The following DIS3L2 variants were observed in gnomAD, a reference collection of about 807,000 sequenced individuals.
DIS3L2 encodes DIS3 like 3'-5' exoribonuclease 2.
Under a neutral mutation model 97.5 loss-of-function variants are expected in DIS3L2, and 34 were observed. The observed-to-expected ratio is 0.35, with a 90% confidence interval of 0.27 to 0.46. The LOEUF (loss-of-function observed/expected upper bound fraction) is 0.46, where lower values mean the gene tolerates loss of function less well. Among genes scored for constraint, DIS3L2 ranks in the 20% least tolerant of loss-of-function variants. The pLI is 1.00. For missense variants in DIS3L2, 1,038 were observed against 1,146.0 expected, an observed-to-expected ratio of 0.91 and a Z score of 1.36; for synonymous variants, 435 against 445.2, an observed-to-expected ratio of 0.98 and a Z score of 0.29.
intron 6 of DIS3L2, among the ~76,000 whole-genome samples, chr2:232,109,584 G>A (rs1240653653): frequency 1.3e-5 from 2 of 152,144 alleles, no homozygotes; most frequent in Non-Finnish European, 2.9e-5. Context: ...TACATCTACA[G>A]CCATCTGATC....
At chr2:232,010,945 TGCATTG>T (rs1694181046) in intron 1 of DIS3L2, among the ~76,000 whole-genome samples, 1 of 152,254 alleles carries the variant, frequency 6.6e-6, no homozygotes, top group African/African-American at 2.4e-5. Context: ...CTATGTACTC[TGCATTG>T]TGCTAGGTTT....
rs1427704895 is a variant in DIS3L2, at chr2:232,119,723, C to T, written c.602-10896C>T. ...GGGAATGGGAATCAGTGCAAAGCCC[C>T]ATTTGAGAAGACCCTGTGAGGGACT... On this transcript the variant is annotated intron_variant, in intron 6 of 20. Transcript: ENST00000325385. Among the ~76,000 whole-genome samples the T allele has an allele frequency of 5.3e-5, 8 of 152,114 alleles. No individual in the cohort carries two copies. In the East Asian group the frequency reaches 9.6e-4, roughly 18 times the overall value.
rs530696605 is a variant in DIS3L2 at position 232,049,084 on chromosome 2, A to G, written c.366+19004A>G. ...GCACATGGAATGCATTCAGTGAATG[A>G]ATAAATTGTCACTTTTAATGACTAC... is the stretch of plus-strand genomic sequence containing the variant. On this transcript the variant is annotated intron_variant, in intron 5 of 20. Transcript: ENST00000325385. Among the ~76,000 whole-genome samples the G allele has an allele frequency of 2.8e-3, 427 of 152,334 alleles. 1 individual carries two copies. The highest frequency in any genetic ancestry group is 4.7e-3 in the Non-Finnish European group (317 of 68,034).
rs1030663241 is a variant in DIS3L2, at chr2:232,272,485, G to A, written c.1659+9045G>A. Among the ~76,000 whole-genome samples the A allele has an allele frequency of 7.9e-5, 12 of 152,214 alleles. No individual in the cohort carries two copies. The South Asian group carries it at 1.9e-3, about 24-fold the overall frequency. ...GAAGGCCAGTTTGGAGGGTGAAGCC[G>A]TGAGCCACACTGTGATGAAAGGGAA... On this transcript the variant is annotated intron_variant, in intron 13 of 20. Transcript: ENST00000325385.
At chr2:232,079,265 A>G (rs1212381316) in intron 5 of DIS3L2, among the ~76,000 whole-genome samples, 3 of 152,136 alleles carry the variant, frequency 2.0e-5, no homozygotes, top group African/African-American at 4.8e-5. Context: ...AAATAAGGAG[A>G]TATATACTTT....
At chr2:232,113,758 G>A (rs373468555) in intron 6 of DIS3L2, among the ~76,000 whole-genome samples, 1 of 152,188 alleles carries the variant, frequency 6.6e-6, no homozygotes, top group South Asian at 2.1e-4. Context: ...GAGGAACTTA[G>A]TTTACAGTTT....
chr2:232,294,670 T>C (rs1694681641), intron 13 of DIS3L2, among the ~76,000 whole-genome samples: 1 of 152,080 alleles, frequency 6.6e-6, no homozygotes, highest in African/African-American at 2.4e-5. Context: ...ATCCAGTGAC[T>C]CCCACACTCC....
At position 231,986,753 on chromosome 2, in the gene DIS3L2, T is replaced by G. The variant is rs1040968739; in HGVS notation, c.-94+24988T>G. On this transcript the variant is annotated intron_variant, in intron 1 of 20. Transcript: ENST00000325385. The stretch of plus-strand genomic sequence containing the variant: ...AAATGGTAGAACCTGGATTCAAACC[T>G]GGGTGTTTTGACTTCAGAAGCCTGT... Among the ~76,000 whole-genome samples, 15 of 152,222 alleles carry G rather than the reference T, an allele frequency of 9.9e-5. 1 individual carries two copies. The highest frequency in any genetic ancestry group is 5.9e-4 in the Admixed American group (9 of 15,282).
At chr2:232,190,528 G>A (rs1691587074) in intron 9 of DIS3L2, among the ~76,000 whole-genome samples, 3 of 151,902 alleles carry the variant, frequency 2.0e-5, no homozygotes. Flanking sequence ...GTAAAATTTG[G>A]ATATTTTGTG....
At chr2:232,313,425 C>A (rs1248993126) in intron 14 of DIS3L2, among the ~76,000 whole-genome samples, 1 of 152,118 alleles carries the variant, frequency 6.6e-6, no homozygotes, top group African/African-American at 2.4e-5. Context: ...GGAGGTTTTG[C>A]CTTGGCCATT....
intron 8 of DIS3L2, among the ~76,000 whole-genome samples, chr2:232,137,503 C>G (rs1244221858): frequency 6.6e-6 from 1 of 152,164 alleles, no homozygotes; most frequent in Non-Finnish European, 1.5e-5. Context: ...TGTTGATTTA[C>G]TTTTAGTCTA....
chr2:232,264,652 C>T (rs554106758), intron 13 of DIS3L2, among the ~76,000 whole-genome samples: 2 of 152,352 alleles, frequency 1.3e-5, no homozygotes, highest in South Asian at 2.1e-4. Context: ...ACCAGACCGC[C>T]TCATGCAGAC....
At chr2:232,029,933 A>G (rs1221880125) in intron 4 of DIS3L2, 46 bp from the exon 5 acceptor site, 1 of 1,395,790 alleles carries the variant, frequency 7.2e-7, no homozygotes, top group East Asian at 2.5e-5. Flanking sequence ...TTTTTGCTTT[A>G]TGTGTTTTTA....
chr2:231,983,845 C>T lies in DIS3L2; in HGVS notation c.-94+22080C>T, dbSNP rs181563878. Among the ~76,000 whole-genome samples, 525 of 150,160 alleles carry T rather than the reference C, an allele frequency of 3.5e-3. 5 individuals are homozygous for T. The highest frequency in any genetic ancestry group is 0.012 in the African/African-American group (506 of 40,756). On this transcript the variant is annotated intron_variant, in intron 1 of 20. Transcript: ENST00000325385. ...TGGAGGTTGCAGTGAGCCGAGATCA[C>T]GCCACTGCCCTCCAGCCTTGGCAAC...
intron 13 of DIS3L2, among the ~76,000 whole-genome samples, chr2:232,296,663 T>C (rs957057180): frequency 6.6e-6 from 1 of 152,218 alleles, no homozygotes; most frequent in African/African-American, 2.4e-5. Flanking sequence ...TTGCCTTTGC[T>C]TCTCCTTTGC....
chr2:232,212,742 G>T (rs1267159096), intron 10 of DIS3L2, among the ~76,000 whole-genome samples: 1 of 152,220 alleles, frequency 6.6e-6, no homozygotes, highest in Admixed American at 6.5e-5. Flanking sequence ...GAATGAGTCA[G>T]AGAAATATTG....
intron 13 of DIS3L2, among the ~76,000 whole-genome samples, chr2:232,265,780 C>T (rs1239615689): frequency 6.6e-6 from 1 of 152,180 alleles, no homozygotes; most frequent in Non-Finnish European, 1.5e-5. Flanking sequence ...ATTCAAATTG[C>T]TTCATAAATG....
At chr2:231,966,803 T>C (rs1015975094) in intron 1 of DIS3L2, among the ~76,000 whole-genome samples, 6 of 97,648 alleles carry the variant, frequency 6.1e-5, no homozygotes, top group Admixed American at 6.0e-4. Context: ...CCAGAAATCT[T>C]GTTGTCTTTA....
At chr2:232,070,103 TCATC>T (rs537104323) in intron 5 of DIS3L2, among the ~76,000 whole-genome samples, 60 of 152,318 alleles carry the variant, frequency 3.9e-4, no homozygotes, top group African/African-American at 1.3e-3. Context: ...GTATATATGT[TCATC>T]CACTAAATTT....
Sources: allele counts gnomAD v4.1 joint callset (sites outside exome capture counted in the v4.1 genomes callset), GRCh38; gene constraint gnomAD v4.1.1; transcripts MANE v1.5; gene names NCBI Gene and HGNC (gene_info 2026-07-23, HGNC 2026-07-21).